The following PCDHA9 variants were observed in gnomAD, a reference collection of about 807,000 sequenced individuals.
PCDHA9 encodes the protein protocadherin alpha 9.
A neutral mutation model predicts 62.0 loss-of-function variants in PCDHA9; 62 were observed. The ratio of observed to expected loss-of-function variants is 1.00; its 90% confidence interval spans 0.81 to 1.23. PCDHA9 has a LOEUF of 1.23. Ranked by LOEUF, PCDHA9 falls within the 50% of genes most tolerant of loss-of-function variation. The pLI, the probability that PCDHA9 is intolerant of heterozygous loss-of-function variation, is 0.00. For missense variants in PCDHA9, 1,205 were observed against 1,249.8 expected, an observed-to-expected ratio of 0.96 and a Z score of 0.54; for synonymous variants, 557 against 567.6, an observed-to-expected ratio of 0.98 and a Z score of 0.27.
chr5:140,884,352 A>C, intron 1 of PCDHA9: 1 of 1,613,828 alleles, frequency 6.2e-7, no homozygotes, highest in African/African-American at 1.3e-5. Context: ...GCGCTGGTGG[A>C]TGTCAATGTT....
chr5:140,991,033 TACTTA>T (rs567583919), intron 3 of PCDHA9, among the ~76,000 whole-genome samples: 53 of 152,330 alleles, frequency 3.5e-4, no homozygotes, highest in African/African-American at 1.3e-3. Context: ...ATATGTTGCA[TACTTA>T]ACTTTGAGAG....
chr5:140,852,048 G>T, intron 1 of PCDHA9: 1 of 917,014 alleles, frequency 1.1e-6, no homozygotes, highest in Non-Finnish European at 1.3e-6. Flanking sequence ...TTGTTATGTG[G>T]TTTATATTTT....
intron 1 of PCDHA9, chr5:140,877,875 C>T (rs2057379478): frequency 6.8e-7 from 1 of 1,475,090 alleles, no homozygotes; most frequent in Non-Finnish European, 9.0e-7. Context: ...TATTTGTTTC[C>T]TTGAAGAACT....
At chr5:140,869,723 A>C (rs782155135) in intron 1 of PCDHA9, 8 of 1,613,430 alleles carry the variant, frequency 5.0e-6, no homozygotes, top group Non-Finnish European at 6.8e-6. Context: ...AAAACTCCGG[A>C]ACTTAATTTG....
At chr5:140,967,046 C>G in intron 1 of PCDHA9, 1 of 1,612,334 alleles carries the variant, frequency 6.2e-7, no homozygotes, top group Non-Finnish European at 8.5e-7. Context: ...GGAGCTGGAC[C>G]TGACGAGTGG....
chr5:140,890,822 A>T (rs1044008204), intron 1 of PCDHA9, among the ~76,000 whole-genome samples: 8 of 152,186 alleles, frequency 5.3e-5, no homozygotes, highest in Non-Finnish European at 1.0e-4. Flanking sequence ...TTTTAAATGT[A>T]CTTACATATT....
chr5:140,883,649 A>T, intron 1 of PCDHA9: 1 of 1,613,516 alleles, frequency 6.2e-7, no homozygotes, highest in South Asian at 1.1e-5. Context: ...GCCCGAGTAC[A>T]CGGTGTTCGT....
intron 1 of PCDHA9, chr5:140,870,757 GT>G: frequency 6.2e-7 from 1 of 1,613,572 alleles, no homozygotes; most frequent in Non-Finnish European, 8.5e-7. Context: ...GACGCTGCAG[GT>G]GTTCGTGCTG....
chr5:140,927,688 G>T (rs2084510856), intron 1 of PCDHA9: 1 of 1,613,944 alleles, frequency 6.2e-7, no homozygotes, highest in African/African-American at 1.3e-5. Flanking sequence ...AGGGTCCAAT[G>T]GGGAAGTCCA....
intron 1 of PCDHA9, among the ~76,000 whole-genome samples, chr5:140,921,651 C>T (rs155817): frequency 0.33 from 49,637 of 151,902 alleles, 8,394 homozygotes; most frequent in East Asian, 0.53. Context: ...TTTAAGGGAA[C>T]TTAATAAAAA....
intron 1 of PCDHA9, among the ~76,000 whole-genome samples, chr5:140,915,190 G>T (rs1317793585): frequency 1.3e-5 from 2 of 151,978 alleles, no homozygotes; most frequent in African/African-American, 4.8e-5. Flanking sequence ...CTAGTGATCC[G>T]CCCATCTTGG....
intron 3 of PCDHA9, among the ~76,000 whole-genome samples, chr5:140,991,446 A>G (rs782325342): frequency 6.6e-6 from 1 of 152,202 alleles, no homozygotes; most frequent in Non-Finnish European, 1.5e-5. Flanking sequence ...ATGGCTTAAA[A>G]CAACACAATG....
chr5:140,883,213 A>G, intron 1 of PCDHA9: 1 of 1,614,090 alleles, frequency 6.2e-7, no homozygotes, highest in South Asian at 1.1e-5. Flanking sequence ...AAAAGAAATT[A>G]TATGAAATAT....
intron 1 of PCDHA9, chr5:140,858,722 C>T: frequency 2.0e-6 from 1 of 497,160 alleles, no homozygotes. Context: ...GGTTGCAGTT[C>T]TGACGATTTA....
At chr5:140,894,457 T>C (rs2153447013) in intron 1 of PCDHA9, among the ~76,000 whole-genome samples, 1 of 152,166 alleles carries the variant, frequency 6.6e-6, no homozygotes, top group African/African-American at 2.4e-5. Flanking sequence ...AAAAAATATT[T>C]TACTTTTTAT....
At chr5:140,991,452 C>T (rs1162146299) in intron 3 of PCDHA9, among the ~76,000 whole-genome samples, 3 of 152,184 alleles carry the variant, frequency 2.0e-5, no homozygotes, top group African/African-American at 7.2e-5. Context: ...TAAAACAACA[C>T]AATGTATTAT....
chr5:140,867,957 CA>C (rs1271215913), intron 1 of PCDHA9: 1 of 152,006 alleles, frequency 6.6e-6, no homozygotes, highest in Non-Finnish European at 1.5e-5. Flanking sequence ...CTCCCAAACC[CA>C]AAATTCTTTC....
chr5:140,866,563 G>A (rs1163893808), intron 1 of PCDHA9: 31 of 152,118 alleles, frequency 2.0e-4, no homozygotes, highest in Admixed American at 2.0e-3. Flanking sequence ...CTATAATTTT[G>A]TTAATACAGT....
chr5:140,910,766 T>C (rs2075154722), intron 1 of PCDHA9, among the ~76,000 whole-genome samples: 2 of 152,198 alleles, frequency 1.3e-5, no homozygotes, highest in South Asian at 2.1e-4. Context: ...CTTTTTAAAC[T>C]CCCCAAGCTG....
Sources: gnomAD v4.1 joint callset for allele counts (sites outside exome capture counted in the v4.1 genomes callset) on GRCh38, gnomAD v4.1.1 for gene constraint, MANE v1.5 for transcripts, NCBI Gene and HGNC (gene_info 2026-07-23, HGNC 2026-07-21) for gene names.